The following SLC22A15 variants were observed in gnomAD, a reference collection of about 807,000 sequenced individuals.
SLC22A15 encodes the protein flipt 1.
A neutral mutation model predicts 62.7 loss-of-function variants in SLC22A15; 45 were observed. That is an observed-to-expected ratio of 0.72 (90% CI 0.56 to 0.92). The LOEUF (loss-of-function observed/expected upper bound fraction) is 0.92. Ranked by LOEUF, SLC22A15 falls within the 40% of genes least tolerant of loss-of-function variation. The probability of loss-of-function intolerance (pLI) is 0.00; values close to 1 mark genes in which losing one functional copy is unlikely to be tolerated. For missense variants in SLC22A15, 622 were observed against 665.6 expected (o/e 0.93, Z 0.72); for synonymous variants, 264 against 267.0 (o/e 0.99, Z 0.11).
chr1:116,024,022 G>T (rs1656970345), intron 4 of SLC22A15, among the ~76,000 whole-genome samples: 2 of 152,170 alleles, frequency 1.3e-5, no homozygotes, highest in African/African-American at 2.4e-5. Context: ...TGAGGAATTT[G>T]TTTTTTACTT....
intron 8 of SLC22A15, among the ~76,000 whole-genome samples, chr1:116,048,236 C>T (rs1657974650): frequency 6.6e-6 from 1 of 152,110 alleles, no homozygotes; most frequent in South Asian, 2.1e-4. Flanking sequence ...CAAAGAACAC[C>T]TGGGAAGTTC....
chr1:115,976,532 C>A lies in SLC22A15; in HGVS notation c.-96C>A. 1.2e-6 allele frequency: 1 copy of A among 830,454 alleles called. No individual in the cohort carries two copies. The highest frequency in any genetic ancestry group is 1.7e-6 in the Non-Finnish European group (1 of 578,654). The allele number at this position is 830,454 out of a possible 1,614,324, so 51.4% of individuals were successfully genotyped here. Reference sequence around the variant, plus strand: ...GCTTCCATCCCCGCCCCGGCGGGTCCAAGCCGGTGCCGGGCGCCCAGGGGT... The same window carrying A: ...GCTTCCATCCCCGCCCCGGCGGGTCAAAGCCGGTGCCGGGCGCCCAGGGGT... On this transcript the variant is annotated 5_prime_UTR_variant, in exon 1 of 12. Transcript: ENST00000369503.
At chr1:116,028,315 C>CT (rs1657205524) in intron 5 of SLC22A15, among the ~76,000 whole-genome samples, 1 of 151,928 alleles carries the variant, frequency 6.6e-6, no homozygotes, top group Non-Finnish European at 1.5e-5. Context: ...ATTTTATTAA[C>CT]TTGTATATTG....
intron 8 of SLC22A15, among the ~76,000 whole-genome samples, chr1:116,056,224 C>G (rs1201578753): frequency 1.3e-5 from 2 of 152,084 alleles, no homozygotes; most frequent in Non-Finnish European, 2.9e-5. Flanking sequence ...GATACCAAAT[C>G]AAAGTACAAA....
intron 2 of SLC22A15, among the ~76,000 whole-genome samples, chr1:116,003,513 C>T (rs1044792550): frequency 6.6e-6 from 1 of 152,156 alleles, no homozygotes; most frequent in African/African-American, 2.4e-5. Context: ...CTGGGATGGG[C>T]GATTCCTCTC....
intron 1 of SLC22A15, among the ~76,000 whole-genome samples, chr1:115,981,887 G>A (rs1408724560): frequency 6.6e-6 from 1 of 152,200 alleles, no homozygotes; most frequent in Non-Finnish European, 1.5e-5. Flanking sequence ...ATGTGAATAT[G>A]GCAGAAAGAA....
At chr1:116,039,252 A>G (rs1215143687) in intron 8 of SLC22A15, among the ~76,000 whole-genome samples, 2 of 152,170 alleles carry the variant, frequency 1.3e-5, no homozygotes, top group Non-Finnish European at 2.9e-5. Flanking sequence ...ACGATTTCTT[A>G]GCTGGGCATG....
At chr1:116,007,323 GA>G (rs1435616173) in intron 2 of SLC22A15, among the ~76,000 whole-genome samples, 1 of 152,324 alleles carries the variant, frequency 6.6e-6, no homozygotes, top group African/African-American at 2.4e-5. Context: ...GGCTCTTTGG[GA>G]ACTCTGGGGT....
At chr1:116,000,621 T>C (rs1163859346) in intron 2 of SLC22A15, among the ~76,000 whole-genome samples, 1 of 133,538 alleles carries the variant, frequency 7.5e-6, no homozygotes, top group East Asian at 2.2e-4. Context: ...ATTTCTTTTT[T>C]TTCCTTTTTT....
chr1:116,030,692 A>G (rs547101619), intron 5 of SLC22A15, among the ~76,000 whole-genome samples: 3 of 152,334 alleles, frequency 2.0e-5, no homozygotes, highest in Non-Finnish European at 4.4e-5. Flanking sequence ...AATAACTTCT[A>G]TTCTTTAAGG....
chr1:115,992,094 G>T lies in SLC22A15; in HGVS notation c.151G>T (p.Asp51Tyr). Residue 51 changes from aspartate (D) to tyrosine (Y), a missense_variant, in exon 2 of 12, where the codon GAC (aspartate) becomes TAC (tyrosine). Asp to Tyr is a radical substitution (Grantham distance 160). Coordinates refer to ENST00000369503, the MANE Select transcript of SLC22A15 (RefSeq NM_018420.3). Reference protein sequence around the residue: ...LVGATPSYHWDLAELLPNQSH... With the variant: ...LVGATPSYHWYLAELLPNQSH... Reference sequence around the variant, plus strand: ...TGGGGCCACGCCATCCTACCACTGGGACCTGGCAGAGCTCCTGCCAAATCA... The same window carrying T: ...TGGGGCCACGCCATCCTACCACTGGTACCTGGCAGAGCTCCTGCCAAATCA... 1.2e-6 allele frequency: 2 copies of T among 1,613,944 alleles called. No individual in the cohort carries two copies. The highest frequency in any genetic ancestry group is 1.7e-6 in the Non-Finnish European group (2 of 1,179,860).
intron 1 of SLC22A15, among the ~76,000 whole-genome samples, chr1:115,977,337 A>G (rs1654363467): frequency 6.6e-6 from 1 of 152,208 alleles, no homozygotes; most frequent in Admixed American, 6.5e-5. Context: ...GAATAGTGCC[A>G]TCTACCATGT....
At position 115,992,089 on chromosome 1, in the gene SLC22A15, A is replaced by G. The variant is rs564324681; in HGVS notation, c.146A>G (p.His49Arg). Residue 49 changes from histidine to arginine, a missense_variant, in exon 2 of 12, where the codon CAC becomes CGC. Physicochemically the swap from His to Arg is conservative, Grantham distance 29. Transcript: ENST00000369503. The stretch of plus-strand genomic sequence containing the variant: ...CTGGTTGGGGCCACGCCATCCTACC[A>G]CTGGGACCTGGCAGAGCTCCTGCCA... ...IALVGATPSY[H>R]WDLAELLPNQ... is the part of the protein sequence containing the mutation. 7.4e-6 allele frequency: 12 copies of G among 1,613,958 alleles called. No homozygotes were observed. Among genetic ancestry groups the G allele is most frequent in the South Asian group, 3.3e-5 (3 of 91,066 alleles).
At chr1:116,027,456 G>A in intron 5 of SLC22A15, 2 of 468,560 alleles carry the variant, frequency 4.3e-6, no homozygotes, top group South Asian at 3.1e-5. Context: ...TCTAAACATT[G>A]ACTCTGGAAG....
In SLC22A15 at chr1:115,992,250, A is replaced by G. The variant is rs1423567744; in HGVS notation, c.300+7A>G. 1.9e-6 allele frequency: 3 copies of G among 1,564,034 alleles called. No individual in the cohort carries two copies. The highest frequency in any genetic ancestry group is 8.7e-7 in the Non-Finnish European group (1 of 1,152,996). ...CACCTCCATCGCCTCGGAGGTAACA[A>G]CAGGCTGTTTCAATCACTAAATAAA... On this transcript the variant is annotated splice_region_variant and intron_variant, in intron 2 of 11. Transcript: ENST00000369503.
chr1:116,056,728 A>G (rs1018615791), intron 8 of SLC22A15, among the ~76,000 whole-genome samples: 1 of 152,214 alleles, frequency 6.6e-6, no homozygotes, highest in Non-Finnish European at 1.5e-5. Flanking sequence ...ATGGAACAGA[A>G]CAAAGCCCTC....
At chr1:115,979,306 A>C (rs1044829716) in intron 1 of SLC22A15, among the ~76,000 whole-genome samples, 4 of 152,210 alleles carry the variant, frequency 2.6e-5, no homozygotes, top group Admixed American at 2.6e-4. Context: ...ACTTGCCCTC[A>C]TACTCCTTGC....
chr1:116,015,526 G>A (rs981183634), intron 2 of SLC22A15, among the ~76,000 whole-genome samples: 3 of 152,130 alleles, frequency 2.0e-5, no homozygotes, highest in African/African-American at 7.2e-5. Flanking sequence ...ATGGATCTGA[G>A]AAGTTCAGCA....
intron 8 of SLC22A15, among the ~76,000 whole-genome samples, chr1:116,056,092 A>G (rs887283887): frequency 1.1e-4 from 16 of 148,644 alleles, no homozygotes; most frequent in Admixed American, 7.4e-4. Flanking sequence ...AGGATATTCA[A>G]TTAGGAAAAG....
Sources: allele counts gnomAD v4.1 joint callset (sites outside exome capture counted in the v4.1 genomes callset), GRCh38; gene constraint gnomAD v4.1.1; transcripts MANE v1.5; gene names NCBI Gene and HGNC (gene_info 2026-07-23, HGNC 2026-07-21).